PTPRD: variants seen among roughly 807,000 people sequenced by gnomAD.
The protein encoded by PTPRD is protein tyrosine phosphatase receptor type D.
In PTPRD, 34 loss-of-function variants were observed where a neutral mutation model predicts 214.5. That is an observed-to-expected ratio of 0.16 (90% CI 0.12 to 0.21). The LOEUF (loss-of-function observed/expected upper bound fraction) is 0.21. Ranked by LOEUF, PTPRD falls within the 10% of genes least tolerant of loss-of-function variation. The pLI, the probability that PTPRD is intolerant of heterozygous loss-of-function variation, is 1.00. For missense variants in PTPRD, 2,545 were observed against 2,398.7 expected, an observed-to-expected ratio of 1.06 and a Z score of -1.27; for synonymous variants, 1,128 against 845.7, an observed-to-expected ratio of 1.33 and a Z score of -5.79.
chr9:9,719,041 G>C (rs535995474), intron 7 of PTPRD, among the ~76,000 whole-genome samples: 1 of 152,290 alleles, frequency 6.6e-6, no homozygotes, highest in African/African-American at 2.4e-5. Flanking sequence ...CCTGGAGTCA[G>C]AACTTCCTTG....
rs2096651227 is a variant in PTPRD, at chr9:9,509,608, G to A, written c.-237+65124C>T. Among the ~76,000 whole-genome samples, 3 of 151,196 alleles carry A rather than the reference G, an allele frequency of 2.0e-5. No individual in the cohort carries two copies. In the Admixed American group the frequency reaches 2.0e-4, roughly 10 times the overall value. On this transcript the variant is annotated intron_variant, in intron 8 of 45. Coordinates refer to ENST00000381196, the MANE Select transcript of PTPRD (RefSeq NM_002839.4). Reference sequence around the variant, plus strand: ...GCTATATAACAAACCCTAAATTTTAGACCATCAAGGAGATAGATTTGAGAC... The same window carrying A: ...GCTATATAACAAACCCTAAATTTTAAACCATCAAGGAGATAGATTTGAGAC...
At chr9:10,244,334 C>G (rs2091700326) in intron 3 of PTPRD, among the ~76,000 whole-genome samples, 1 of 152,080 alleles carries the variant, frequency 6.6e-6, no homozygotes. Context: ...TTTATGCAGT[C>G]TGCCTCTCTT....
intron 14 of PTPRD, among the ~76,000 whole-genome samples, chr9:8,565,594 G>T (rs2088674004): frequency 6.6e-6 from 1 of 151,804 alleles, no homozygotes; most frequent in Non-Finnish European, 1.5e-5. Flanking sequence ...TTAAATACTG[G>T]AAATACCATA....
intron 7 of PTPRD, among the ~76,000 whole-genome samples, chr9:9,707,631 A>T (rs2097649330): frequency 1.3e-5 from 2 of 152,178 alleles, no homozygotes; most frequent in African/African-American, 4.8e-5. Flanking sequence ...AGCAAAAAAT[A>T]GTTTTGCCTA....
Position 8,518,337 on chromosome 9 carries a change from A to T in PTPRD, c.1054T>A (p.Ser352Thr). 1 of 1,614,176 alleles carries T rather than the reference A, an allele frequency of 6.2e-7. No individual in the cohort carries two copies. ...TWDSGNPEPV[S>T]YYIIQHKPKN... ...GGTTTATGCTGAATTATGTAATAAG[A>T]AACAGGCTCAGGGTTCCCAGAGTCC... Residue 352 changes from serine (S) to threonine (T), a missense_variant, in exon 21 of 46, where the codon TCT becomes ACT. Coordinates refer to ENST00000381196, the MANE Select transcript of PTPRD (RefSeq NM_002839.4).
At chr9:9,799,781 G>T (rs2099027072) in intron 5 of PTPRD, among the ~76,000 whole-genome samples, 1 of 152,124 alleles carries the variant, frequency 6.6e-6, no homozygotes, top group South Asian at 2.1e-4. Context: ...AGAGTTTGAG[G>T]CCTTAACAAA....
chr9:10,264,560 A>T (rs2093923423), intron 3 of PTPRD, among the ~76,000 whole-genome samples: 1 of 152,166 alleles, frequency 6.6e-6, no homozygotes, highest in Admixed American at 6.5e-5. Context: ...GAACAGCTGT[A>T]TTTACCCAAT....
Position 9,397,434 on chromosome 9 carries a change from G to A in PTPRD, c.-203+15C>T, listed in dbSNP as rs2068330346. 1 of 152,310 alleles carries A rather than the reference G, an allele frequency of 6.6e-6. No individual in the cohort carries two copies. The highest frequency in any genetic ancestry group is 2.4e-5 in the African/African-American group (1 of 41,380). 9.4% of individuals were successfully genotyped at this position (152,310 alleles called of 1,614,324 possible). A position where few individuals can be genotyped will look rare whatever the true frequency, so the allele number is the denominator to read the frequency against. ...AGTATTCCGTGCAGACATAAGATGA[G>A]CAAAATAAACTTACCACAGTTGTTC... On this transcript the variant is annotated intron_variant, in intron 9 of 45. Coordinates refer to ENST00000381196, the MANE Select transcript of PTPRD (RefSeq NM_002839.4).
chr9:9,322,328 T>TA (rs1966865016), intron 9 of PTPRD, among the ~76,000 whole-genome samples: 1 of 152,216 alleles, frequency 6.6e-6, no homozygotes, highest in African/African-American at 2.4e-5. Flanking sequence ...ATACATGTTT[T>TA]ATGTATATTG....
intron 10 of PTPRD, among the ~76,000 whole-genome samples, chr9:9,146,244 G>C (rs1311647569): frequency 6.6e-6 from 1 of 151,594 alleles, no homozygotes; most frequent in African/African-American, 2.4e-5. Flanking sequence ...ATGGCTAAAA[G>C]TAAATTTGTT....
intron 32 of PTPRD, among the ~76,000 whole-genome samples, chr9:8,461,216 G>A (rs1300763231): frequency 2.6e-5 from 4 of 152,030 alleles, no homozygotes; most frequent in Admixed American, 2.6e-4. Context: ...GATGCGAGAT[G>A]TACAGAATTG....
chr9:9,560,326 G>A (rs1050579927), intron 8 of PTPRD, among the ~76,000 whole-genome samples: 2 of 152,234 alleles, frequency 1.3e-5, no homozygotes, highest in Non-Finnish European at 2.9e-5. Flanking sequence ...GGGCGAGCCT[G>A]CAAGAACATA....
chr9:8,903,272 G>C (rs1466450246), intron 11 of PTPRD, among the ~76,000 whole-genome samples: 1 of 152,074 alleles, frequency 6.6e-6, no homozygotes, highest in South Asian at 2.1e-4. Flanking sequence ...ACTGAGCATA[G>C]TACTCGACTA....
chr9:10,489,782 G>A (rs1566466188), intron 2 of PTPRD, among the ~76,000 whole-genome samples: 1 of 151,996 alleles, frequency 6.6e-6, no homozygotes, highest in East Asian at 1.9e-4. Context: ...GTTATGATAG[G>A]GCAGCACTGA....
intron 11 of PTPRD, among the ~76,000 whole-genome samples, chr9:8,757,322 C>G (rs546578845): frequency 6.6e-6 from 1 of 152,008 alleles, no homozygotes; most frequent in Admixed American, 6.6e-5. Flanking sequence ...TGTTAAGACC[C>G]AAATACATGG....
At chr9:9,984,007 G>A (rs899865920) in intron 4 of PTPRD, among the ~76,000 whole-genome samples, 5 of 151,772 alleles carry the variant, frequency 3.3e-5, no homozygotes, top group African/African-American at 1.2e-4. Flanking sequence ...ATCAGATATC[G>A]AAGTAAAACA....
chr9:9,174,039 G>A (rs1366918266), intron 10 of PTPRD, among the ~76,000 whole-genome samples: 1 of 152,064 alleles, frequency 6.6e-6, no homozygotes, highest in Non-Finnish European at 1.5e-5. Flanking sequence ...GATAATGAGG[G>A]AGTTAAGTAT....
At position 8,471,215 on chromosome 9, in the gene PTPRD, A is replaced by T; in HGVS notation, c.3414-130T>A. 3 of 699,174 alleles carry T rather than the reference A, an allele frequency of 4.3e-6. No individual in the cohort carries two copies. The South Asian group carries it at 4.8e-5, about 11-fold the overall frequency. The allele number at this position is 699,174 out of a possible 1,614,324, so 43.3% of individuals were successfully genotyped here. Reference sequence around the variant, plus strand: ...ATATGGGGTGACTTGTCCATTTCTTACATCAATGACAAATATCCACCTGTT... The same window carrying T: ...ATATGGGGTGACTTGTCCATTTCTTTCATCAATGACAAATATCCACCTGTT... On this transcript the variant is annotated intron_variant, in intron 30 of 45. Coordinates refer to ENST00000381196, the MANE Select transcript of PTPRD (RefSeq NM_002839.4).
chr9:10,059,215 G>C (rs1375800094), intron 3 of PTPRD, among the ~76,000 whole-genome samples: 3 of 152,148 alleles, frequency 2.0e-5, no homozygotes, highest in Middle Eastern at 3.4e-3. Context: ...ACTGGAAAAG[G>C]GGATTAGTTT....
Sources: allele counts gnomAD v4.1 joint callset (sites outside exome capture counted in the v4.1 genomes callset), GRCh38; gene constraint gnomAD v4.1.1; transcripts MANE v1.5; gene names NCBI Gene and HGNC (gene_info 2026-07-23, HGNC 2026-07-21).